Variants in EPB41L4A observed in about 807,000 individuals in gnomAD.
EPB41L4A encodes the protein erythrocyte membrane protein band 4.1 like 4A.
EPB41L4A carries 100 observed loss-of-function variants against 108.6 expected under a neutral mutation model. The ratio of observed to expected loss-of-function variants is 0.92; its 90% CI spans 0.78 to 1.09. The LOEUF is 1.09. Among genes scored for constraint, EPB41L4A ranks in the 50% least tolerant of loss-of-function variants. The pLI is 0.00. For synonymous variants in EPB41L4A, 319 were observed against 289.0 expected, an observed-to-expected ratio of 1.10 and a Z score of -1.05; for missense variants, 1,030 against 842.7, an observed-to-expected ratio of 1.22 and a Z score of -2.75.
At chr5:112,245,548 G>A (rs1025077493) in intron 9 of EPB41L4A, among the ~76,000 whole-genome samples, 3 of 152,154 alleles carry the variant, frequency 2.0e-5, no homozygotes, top group Non-Finnish European at 4.4e-5. Flanking sequence ...ACCTTGTCTG[G>A]TAAAAAAAGA....
At chr5:112,152,431 G>T (rs1580325894) in intron 12 of EPB41L4A, among the ~76,000 whole-genome samples, 2 of 152,110 alleles carry the variant, frequency 1.3e-5, no homozygotes, top group African/African-American at 2.4e-5. Context: ...CCAAGGTGAT[G>T]GTATCAAGAA....
At chr5:112,399,656 C>G (rs570931724) in intron 1 of EPB41L4A, among the ~76,000 whole-genome samples, 1 of 152,310 alleles carries the variant, frequency 6.6e-6, no homozygotes, top group African/African-American at 2.4e-5. Flanking sequence ...CAGGTGGTAA[C>G]TGCCAGCTTA....
chr5:112,191,166 A>G (rs921477028), intron 17 of EPB41L4A, among the ~76,000 whole-genome samples: 15 of 152,136 alleles, frequency 9.9e-5, no homozygotes, highest in African/African-American at 2.9e-4. Flanking sequence ...GAGAACAGTA[A>G]AGAAAGAATA....
chr5:112,302,323 T>C (rs75327680), intron 2 of EPB41L4A, among the ~76,000 whole-genome samples: 2,060 of 152,138 alleles, frequency 0.014, 42 homozygotes, highest in African/African-American at 0.047. Flanking sequence ...CTAAGCAACA[T>C]AGTGTGACCT....
chr5:112,262,930 T>G (rs1304633648), intron 6 of EPB41L4A, among the ~76,000 whole-genome samples: 2 of 152,174 alleles, frequency 1.3e-5, no homozygotes, highest in African/African-American at 4.8e-5. Context: ...GTAAAATGTC[T>G]CTGTGCACCA....
At chr5:112,216,723 T>C (rs1392778188) in intron 12 of EPB41L4A, among the ~76,000 whole-genome samples, 1 of 152,162 alleles carries the variant, frequency 6.6e-6, no homozygotes, top group Non-Finnish European at 1.5e-5. Context: ...CTAACCCAGT[T>C]CAACTTATCA....
rs1267855542 is a variant in EPB41L4A at position 112,243,734 on chromosome 5, A to AC, written c.796-2925_796-2924insG. Reference sequence around the variant, plus strand: ...ATGGCTACTGTCCTTCAACCTAATGAACCAACCTCTGCTAGCTTCCTACTT... The same window carrying AC: ...ATGGCTACTGTCCTTCAACCTAATGACACCAACCTCTGCTAGCTTCCTACTT... On this transcript the variant is annotated intron_variant, in intron 9 of 22. Coordinates refer to ENST00000261486, the MANE Select transcript of EPB41L4A (RefSeq NM_022140.5). Among the ~76,000 whole-genome samples the AC allele has an allele frequency of 4.5e-4, 68 of 152,268 alleles. 1 individual carries two copies. Among genetic ancestry groups the AC allele is most frequent in the African/African-American group, 1.6e-3 (67 of 41,556 alleles).
intron 1 of EPB41L4A, among the ~76,000 whole-genome samples, chr5:112,310,790 C>T (rs916008981): frequency 3.3e-5 from 5 of 152,090 alleles, no homozygotes; most frequent in Non-Finnish European, 7.4e-5. Flanking sequence ...CTATTTGAGT[C>T]TTGGTGGAGG....
At chr5:112,277,713 T>A (rs1466410111) in intron 3 of EPB41L4A, among the ~76,000 whole-genome samples, 1 of 152,202 alleles carries the variant, frequency 6.6e-6, no homozygotes, top group Non-Finnish European at 1.5e-5. Flanking sequence ...TAGAGTGAGA[T>A]AATACTCTCA....
At chr5:112,326,267 A>G (rs1023665385) in intron 1 of EPB41L4A, among the ~76,000 whole-genome samples, 2 of 151,920 alleles carry the variant, frequency 1.3e-5, no homozygotes, top group Non-Finnish European at 2.9e-5. Context: ...GGTGCCCCCA[A>G]TCCACCTCAA....
downstream of EPB41L4A, among the ~76,000 whole-genome samples, chr5:112,141,987 G>A (rs111734110): frequency 4.6e-5 from 7 of 152,302 alleles, no homozygotes; most frequent in African/African-American, 1.7e-4. Context: ...TTCCAAGTGA[G>A]ACATGAAAGG....
intron 12 of EPB41L4A, among the ~76,000 whole-genome samples, chr5:112,227,184 G>C (rs1748520861): frequency 6.6e-6 from 1 of 152,056 alleles, no homozygotes; most frequent in African/African-American, 2.4e-5. Flanking sequence ...TATACTGAAT[G>C]TTCTAGATTT....
At chr5:112,261,654 G>T (rs1184206459) in intron 7 of EPB41L4A, among the ~76,000 whole-genome samples, 1 of 152,064 alleles carries the variant, frequency 6.6e-6, no homozygotes, top group African/African-American at 2.4e-5. Flanking sequence ...TGACTATTCA[G>T]CAAGTTTTCA....
At chr5:112,393,573 A>G (rs867794707) in intron 1 of EPB41L4A, among the ~76,000 whole-genome samples, 16 of 152,310 alleles carry the variant, frequency 1.1e-4, no homozygotes, top group African/African-American at 3.6e-4. Flanking sequence ...GACCAATAAC[A>G]GGCTCTGAAA....
At chr5:112,395,440 T>C (rs1430026549) in intron 1 of EPB41L4A, among the ~76,000 whole-genome samples, 1 of 152,186 alleles carries the variant, frequency 6.6e-6, no homozygotes. Context: ...GCGAAGGATA[T>C]GAACAGACGC....
At chr5:112,401,077 C>G (rs763222902) in intron 1 of EPB41L4A, among the ~76,000 whole-genome samples, 14 of 152,190 alleles carry the variant, frequency 9.2e-5, no homozygotes, top group Non-Finnish European at 2.1e-4. Flanking sequence ...CTTTCCCTAC[C>G]AAACAAGCAT....
At chr5:112,414,503 A>G (rs989451052) in intron 1 of EPB41L4A, among the ~76,000 whole-genome samples, 3 of 152,142 alleles carry the variant, frequency 2.0e-5, no homozygotes, top group African/African-American at 7.2e-5. Context: ...GAATGCTGCT[A>G]AGTATCCTAC....
intron 4 of EPB41L4A, among the ~76,000 whole-genome samples, chr5:112,272,290 G>A (rs944472583): frequency 5.3e-5 from 8 of 151,496 alleles, no homozygotes; most frequent in South Asian, 2.1e-4. Flanking sequence ...ACAGGTGCCC[G>A]CCGCCACGCG....
At chr5:112,389,900 G>A (rs982263898) in intron 1 of EPB41L4A, among the ~76,000 whole-genome samples, 7 of 152,156 alleles carry the variant, frequency 4.6e-5, no homozygotes, top group African/African-American at 7.2e-5. Flanking sequence ...AAGGAAACTC[G>A]GAGGCTACAC....
Sources: allele counts gnomAD v4.1 joint callset (sites outside exome capture counted in the v4.1 genomes callset), GRCh38; gene constraint gnomAD v4.1.1; transcripts MANE v1.5; gene names NCBI Gene and HGNC (gene_info 2026-07-23, HGNC 2026-07-21).